Variants in BCOR observed in about 807,000 individuals in gnomAD.
The protein encoded by BCOR is BCL6 corepressor.
BCOR carries 10 observed loss-of-function variants against 86.7 expected under a neutral mutation model. That is an observed-to-expected ratio of 0.12 (90% CI 0.07 to 0.20). BCOR has a LOEUF of 0.20. Among genes scored for constraint, BCOR ranks in the 10% least tolerant of loss-of-function variants. The pLI, the probability that BCOR is intolerant of heterozygous loss-of-function variation, is 1.00. For synonymous variants in BCOR, 611 were observed against 609.0 expected (o/e 1.00, Z -0.05); for missense variants, 1,259 against 1,452.1 (o/e 0.87, Z 2.16).
chrX:40,056,266 G>C (rs1934587934), intron 11 of BCOR, among the ~76,000 whole-genome samples: 2 of 88,013 alleles, frequency 2.3e-5, no homozygotes, highest in Admixed American at 1.3e-4. Flanking sequence ...AATACAACAA[G>C]CAACTGTCAC....
intron 4 of BCOR, chrX:40,071,948 C>T (rs758728123): frequency 5.1e-6 from 2 of 392,549 alleles, no homozygotes; most frequent in Non-Finnish European, 8.8e-6. Flanking sequence ...TGCATGAATC[C>T]CACAGACATG....
At chrX:40,063,483 C>G (rs1362399057) in intron 8 of BCOR, 125 bp downstream of exon 8, 19 of 568,981 alleles carry the variant, frequency 3.3e-5, no homozygotes, top group Non-Finnish European at 5.2e-5. Flanking sequence ...TCCCTGCCTG[C>G]CACATCTTCG....
chrX:40,058,911 C>G (rs1934731736), intron 10 of BCOR, among the ~76,000 whole-genome samples: 1 of 112,113 alleles, frequency 8.9e-6, no homozygotes, highest in Non-Finnish European at 1.9e-5. Flanking sequence ...AGCTAATGAG[C>G]TGTGTACCCA....
At chrX:40,099,788 T>G (rs1442082652), upstream of BCOR, among the ~76,000 whole-genome samples, 1 of 112,230 alleles carries the variant, frequency 8.9e-6, no homozygotes, top group African/African-American at 3.2e-5. Context: ...CTCTACCGTT[T>G]GAAACCCGAA....
At chrX:40,114,322 C>T (rs1041100826) in intron 1 of BCOR, among the ~76,000 whole-genome samples, 2 of 110,501 alleles carry the variant, frequency 1.8e-5, no homozygotes, top group Non-Finnish European at 3.8e-5. Context: ...TGGGGAGGCC[C>T]GTGGGAGTAT....
At chrX:40,076,823 G>A in intron 2 of BCOR, 7 of 324,891 alleles carry the variant, frequency 2.2e-5, no homozygotes, top group South Asian at 5.7e-5. Context: ...CTTCTCCCTC[G>A]AGATTTTTTT....
At chrX:40,135,800 C>A (rs1569190965) in intron 1 of BCOR, among the ~76,000 whole-genome samples, 1 of 112,060 alleles carries the variant, frequency 8.9e-6, no homozygotes, top group Non-Finnish European at 1.9e-5. Context: ...CATAAACCAT[C>A]TCGGGGAGGG....
chrX:40,169,433 T>TCGACA (rs1938573017), intron 1 of BCOR, among the ~76,000 whole-genome samples: 1 of 111,941 alleles, frequency 8.9e-6, no homozygotes, highest in Non-Finnish European at 1.9e-5. Context: ...GCCAACCATT[T>TCGACA]AGTTTATCAC....
chrX:40,054,278 G>A lies in BCOR; in HGVS notation c.4797C>T (p.Asp1599=). 4.1e-6 allele frequency: 5 copies of A among 1,209,163 alleles called. No individual in the cohort carries two copies. Among genetic ancestry groups the A allele is most frequent in the Non-Finnish European group, 5.6e-6 (5 of 893,727 alleles). ...RNDDDASGTW[D]FYGSSVCEPD... The stretch of plus-strand genomic sequence containing the variant: ...TACCACAAACAGAGCTGCCATAGAA[G>A]TCCCAAGTGCCACTGGCGTCATCAT... The change falls in exon 13 of 15, where the codon GAC becomes GAT. Residue 1599 remains aspartate (D), a synonymous_variant. Coordinates refer to ENST00000378444, the MANE Select transcript of BCOR (RefSeq NM_001123385.2).
chrX:40,110,639 CTTTTCTTTTTTTTCTTTTTTCCT>C (rs1569182560), intron 1 of BCOR, among the ~76,000 whole-genome samples: 10 of 44,032 alleles, frequency 2.3e-4, no homozygotes, highest in Non-Finnish European at 3.9e-4. Flanking sequence ...ATTTTCTTTT[CTTTTCTTTTTTTTCTTTTTTCCT>C]TTTTCTTTTT....
intron 1 of BCOR, among the ~76,000 whole-genome samples, chrX:40,155,314 C>T (rs746726383): frequency 3.6e-5 from 4 of 112,263 alleles, no homozygotes; most frequent in Non-Finnish European, 7.5e-5. Flanking sequence ...AAGGGGCGCA[C>T]CGCAGTGCCG....
chrX:40,096,540 G>C (rs1233078547), intron 1 of BCOR, among the ~76,000 whole-genome samples: 7 of 111,003 alleles, frequency 6.3e-5, no homozygotes, highest in Non-Finnish European at 1.3e-4. Flanking sequence ...CACGTGATTC[G>C]TGCTTTGGGG....
chrX:40,094,230 T>A (rs1936745173), intron 1 of BCOR, among the ~76,000 whole-genome samples: 1 of 111,813 alleles, frequency 8.9e-6, no homozygotes. Flanking sequence ...CAGAGTCTGC[T>A]GCCATCTCCG....
chrX:40,079,151 C>A (rs903108277), intron 1 of BCOR, among the ~76,000 whole-genome samples: 1 of 111,456 alleles, frequency 9.0e-6, no homozygotes, highest in African/African-American at 3.3e-5. Context: ...GGGACCCAAA[C>A]CTGGGTGTGA....
At chrX:40,156,150 T>A (rs1208424303) in intron 1 of BCOR, among the ~76,000 whole-genome samples, 1 of 112,358 alleles carries the variant, frequency 8.9e-6, no homozygotes, top group Middle Eastern at 4.2e-3. Flanking sequence ...ATATTTAATA[T>A]CGTGAAATTG....
Position 40,074,735 on chromosome X carries a change from T to C in BCOR, c.611A>G (p.Tyr204Cys), listed in dbSNP as rs938251432. The C allele has an allele frequency of 8.3e-7, 1 of 1,209,256 alleles. No individual in the cohort carries two copies. The highest frequency in any genetic ancestry group is 1.1e-6 in the Non-Finnish European group (1 of 894,925). ...PYMEGATPAIYPFLDSPNKYS... is the reference protein window; with the variant it reads ...PYMEGATPAICPFLDSPNKYS... Reference sequence around the variant, plus strand: ...CTTATTTGGCGAGTCGAGGAAAGGGTAGATGGCTGGCGTGGCACCCTCCAT... The same window carrying C: ...CTTATTTGGCGAGTCGAGGAAAGGGCAGATGGCTGGCGTGGCACCCTCCAT... Residue 204 changes from tyrosine (Y) to cysteine (C), a missense_variant, in exon 4 of 15, where the codon TAC becomes TGC. Physicochemically the swap from Tyr to Cys is radical, Grantham distance 194 (BLOSUM62 -2). Coordinates refer to ENST00000378444, the MANE Select transcript of BCOR (RefSeq NM_001123385.2).
At position 40,063,787 on chromosome X, in the gene BCOR, G is replaced by T; in HGVS notation, c.3668C>A (p.Ser1223Ter). 8.3e-7 allele frequency: 1 copy of T among 1,211,792 alleles called. No individual in the cohort carries two copies. The highest frequency in any genetic ancestry group is 1.1e-6 in the Non-Finnish European group (1 of 895,529). ...HLRERWEQQV[S>*]AADGKPGRQS... is the part of the protein sequence containing the mutation. ...CCGGCCAGGTTTGCCATCTGCTGCC[G>T]ACACCTGCTGCTCCCATCGTTCTCT... The change falls in exon 8 of 15, where the codon TCG becomes TAG. Residue 1223 changes from serine (S) to a stop codon, truncating the protein, a stop_gained. Coordinates refer to ENST00000378444, the MANE Select transcript of BCOR (RefSeq NM_001123385.2). LOFTEE classifies it high-confidence loss of function.
intron 1 of BCOR, among the ~76,000 whole-genome samples, chrX:40,133,490 C>T (rs1339344222): frequency 9.5e-6 from 1 of 104,938 alleles, no homozygotes; most frequent in Non-Finnish European, 2.0e-5. Context: ...GACGGAGTCT[C>T]GCTCTGTCGC....
chrX:40,108,119 C>A (rs747333892), intron 1 of BCOR, among the ~76,000 whole-genome samples: 47 of 112,889 alleles, frequency 4.2e-4, no homozygotes, highest in African/African-American at 1.4e-3. Context: ...GAGGGCCAGG[C>A]GGGAGGCCCA....
Sources: gnomAD v4.1 joint callset for allele counts (sites outside exome capture counted in the v4.1 genomes callset) on GRCh38, gnomAD v4.1.1 for gene constraint, MANE v1.5 for transcripts, NCBI Gene and HGNC (gene_info 2026-07-23, HGNC 2026-07-21) for gene names.